The following TENM4 variants were observed in gnomAD, a reference collection of about 807,000 sequenced individuals.
TENM4 encodes teneurin transmembrane protein 4.
Under a neutral mutation model 243.3 loss-of-function variants are expected in TENM4, and 82 were observed. That is an observed-to-expected ratio of 0.34 (90% confidence interval 0.28 to 0.40). The LOEUF (loss-of-function observed/expected upper bound fraction) is 0.40, where lower values mean the gene tolerates loss of function less well. Ranked by LOEUF, TENM4 falls within the 10% of genes least tolerant of loss-of-function variation. The pLI, the probability that TENM4 is intolerant of heterozygous loss-of-function variation, is 1.00. For missense variants in TENM4, 3,138 were observed against 3,673.3 expected (o/e 0.85, Z 3.77); for synonymous variants, 1,412 against 1,456.3 (o/e 0.97, Z 0.69).
chr11:79,072,715 C>T (rs867170548), intron 4 of TENM4, among the ~76,000 whole-genome samples: 1 of 152,126 alleles, frequency 6.6e-6, no homozygotes, highest in Non-Finnish European at 1.5e-5. Context: ...CAACGCAAAG[C>T]ACTATTCTGG....
chr11:78,761,964 C>A (rs1856439734), intron 18 of TENM4, among the ~76,000 whole-genome samples: 1 of 152,212 alleles, frequency 6.6e-6, no homozygotes, highest in South Asian at 2.1e-4. Context: ...GCCCACTGCT[C>A]TGGCCCATCA....
chr11:79,320,028 G>A (rs185714344), intron 1 of TENM4, among the ~76,000 whole-genome samples: 280 of 152,300 alleles, frequency 1.8e-3, no homozygotes, highest in African/African-American at 6.4e-3. Context: ...CTGCAGTGGA[G>A]GTTCCTGGCA....
chr11:79,217,420 A>C lies in TENM4; in HGVS notation c.-264-1511T>G, dbSNP rs1001637938. Reference sequence around the variant, plus strand: ...ACTTAGGCATAGGAGGTTAACCCCCAAAAAGCCATTATTTGAGAAGTTCCC... The same window carrying C: ...ACTTAGGCATAGGAGGTTAACCCCCCAAAAGCCATTATTTGAGAAGTTCCC... On this transcript the variant is annotated intron_variant, in intron 2 of 33. Transcript: ENST00000278550. Among the ~76,000 whole-genome samples the C allele has an allele frequency of 3.8e-4, 58 of 152,186 alleles. 1 individual carries two copies. The highest frequency in any genetic ancestry group is 1.9e-4 in the East Asian group (1 of 5,186).
At chr11:79,392,232 A>G (rs192209921) in intron 1 of TENM4, among the ~76,000 whole-genome samples, 1 of 152,224 alleles carries the variant, frequency 6.6e-6, no homozygotes, top group Non-Finnish European at 1.5e-5. Flanking sequence ...CCCTTTCCTT[A>G]TGATGTTTGC....
intron 3 of TENM4, among the ~76,000 whole-genome samples, chr11:79,177,243 G>T (rs756728357): frequency 1.3e-5 from 2 of 152,154 alleles, no homozygotes; most frequent in Non-Finnish European, 1.5e-5. Context: ...GGGGCAAAGG[G>T]TTGGAGCCCC....
chr11:79,041,701 T>G (rs1859537459), intron 6 of TENM4, among the ~76,000 whole-genome samples: 1 of 152,234 alleles, frequency 6.6e-6, no homozygotes, highest in Non-Finnish European at 1.5e-5. Context: ...TCCTCCAGTC[T>G]TGGTTGGTGG....
intron 15 of TENM4, among the ~76,000 whole-genome samples, chr11:78,804,967 C>T (rs1161078484): frequency 6.6e-6 from 1 of 152,158 alleles, no homozygotes; most frequent in Non-Finnish European, 1.5e-5. Context: ...TACACTTTCC[C>T]TATGGCCTTG....
intron 12 of TENM4, among the ~76,000 whole-genome samples, chr11:78,826,924 A>C (rs1857866060): frequency 6.6e-6 from 1 of 152,194 alleles, no homozygotes; most frequent in African/African-American, 2.4e-5. Context: ...TTCCTGCACT[A>C]ATGTCACCTG....
intron 2 of TENM4, among the ~76,000 whole-genome samples, chr11:79,270,155 C>T (rs1224877473): frequency 1.3e-5 from 2 of 152,130 alleles, no homozygotes; most frequent in African/African-American, 4.8e-5. Context: ...CTGCAGGAGC[C>T]TTGAGGCTTA....
chr11:79,422,394 T>C (rs557873802), intron 1 of TENM4, among the ~76,000 whole-genome samples: 1 of 152,236 alleles, frequency 6.6e-6, no homozygotes, highest in East Asian at 1.9e-4. Flanking sequence ...TGTGTGGTCT[T>C]GGGCAATTTA....
At chr11:79,135,155 A>G (rs573116541) in intron 4 of TENM4, among the ~76,000 whole-genome samples, 1 of 152,124 alleles carries the variant, frequency 6.6e-6, no homozygotes. Context: ...TAAGCAAAAA[A>G]CAAATAATCC....
intron 6 of TENM4, among the ~76,000 whole-genome samples, chr11:78,991,481 T>C (rs589658): frequency 0.39 from 59,579 of 152,094 alleles, 12,852 homozygotes; most frequent in Middle Eastern, 0.52. Flanking sequence ...TGCATATAAA[T>C]ACTGTACCAC....
At chr11:78,904,415 A>AGCACATAC (rs1488892237) in intron 6 of TENM4, among the ~76,000 whole-genome samples, 1 of 151,126 alleles carries the variant, frequency 6.6e-6, no homozygotes, top group Non-Finnish European at 1.5e-5. Flanking sequence ...TAAATCTAAG[A>AGCACATAC]GCACATACAG....
intron 4 of TENM4, among the ~76,000 whole-genome samples, chr11:79,109,612 C>T (rs866315203): frequency 9.8e-5 from 15 of 152,318 alleles, no homozygotes; most frequent in Middle Eastern, 6.8e-3. Flanking sequence ...GCTGGAGAAC[C>T]CCTCTAAGCT....
Position 78,712,576 on chromosome 11 carries a change from C to A in TENM4, c.3960G>T (p.Val1320=), listed in dbSNP as rs369250684. 1.2e-6 allele frequency: 2 copies of A among 1,613,876 alleles called. No individual in the cohort carries two copies. Among genetic ancestry groups the A allele is most frequent in the Non-Finnish European group, 1.7e-6 (2 of 1,179,908 alleles). ...VVKDLVKNSE[V]VAGTGDQCLP... ...GGCACTGGTCACCTGTCCCCGCAACCACCTCAGAGTTCTTGACAAGGTCCT... is the reference window on the plus strand; with the variant it reads ...GGCACTGGTCACCTGTCCCCGCAACAACCTCAGAGTTCTTGACAAGGTCCT... Residue 1320 remains valine (V), a synonymous_variant, in exon 26 of 34, where the codon GTG becomes GTT. Coordinates refer to ENST00000278550, the MANE Select transcript of TENM4 (RefSeq NM_001098816.3).
chr11:78,778,137 T>C (rs61419116), intron 17 of TENM4, among the ~76,000 whole-genome samples: 3,818 of 152,212 alleles, frequency 0.025, 59 homozygotes, highest in African/African-American at 0.033. Flanking sequence ...TAGATGCTCG[T>C]TGGACGAATG....
At chr11:79,042,815 C>T (rs778991308) in intron 6 of TENM4, among the ~76,000 whole-genome samples, 41 of 152,258 alleles carry the variant, frequency 2.7e-4, no homozygotes, top group Non-Finnish European at 4.0e-4. Context: ...ATTCAGATTC[C>T]GGGGGCCACA....
intron 16 of TENM4, among the ~76,000 whole-genome samples, chr11:78,780,968 AG>A (rs1393086957): frequency 1.3e-5 from 2 of 152,218 alleles, no homozygotes; most frequent in Non-Finnish European, 2.9e-5. Flanking sequence ...AGAGCCCCCG[AG>A]CCACACTGTG....
At chr11:79,060,335 T>G (rs771733953) in intron 6 of TENM4, among the ~76,000 whole-genome samples, 2 of 152,194 alleles carry the variant, frequency 1.3e-5, no homozygotes, top group African/African-American at 2.4e-5. Flanking sequence ...AGCAGTGACA[T>G]AAAAGCTGCT....
Sources: gnomAD v4.1 joint callset for allele counts (sites outside exome capture counted in the v4.1 genomes callset) on GRCh38, gnomAD v4.1.1 for gene constraint, MANE v1.5 for transcripts, NCBI Gene and HGNC (gene_info 2026-07-23, HGNC 2026-07-21) for gene names.